The following SYT1 variants were observed in gnomAD, a reference collection of about 807,000 sequenced individuals.
SYT1 encodes synaptotagmin 1, also known as synaptotagmin-1.
Under a neutral mutation model 44.8 loss-of-function variants are expected in SYT1, and 8 were observed. That is an observed-to-expected ratio of 0.18 (90% confidence interval 0.10 to 0.32). The LOEUF is 0.32. Among genes scored for constraint, SYT1 ranks in the 10% least tolerant of loss-of-function variants. The pLI, the probability that SYT1 is intolerant of heterozygous loss-of-function variation, is 1.00. For missense variants in SYT1, 286 were observed against 509.3 expected, an observed-to-expected ratio of 0.56 and a Z score of 4.22; for synonymous variants, 154 against 188.8, an observed-to-expected ratio of 0.82 and a Z score of 1.51.
chr12:79,314,558 G>A (rs73351097), intron 8 of SYT1, among the ~76,000 whole-genome samples: 1,616 of 152,260 alleles, frequency 0.011, 31 homozygotes, highest in African/African-American at 0.037. Context: ...GCTAAAATAA[G>A]ACAGACAATA....
chr12:79,001,880 G>T (rs10735398), intron 2 of SYT1, among the ~76,000 whole-genome samples: 150,871 of 151,252 alleles, frequency 1, 75,245 homozygotes, highest in East Asian at 1. Context: ...ATAAACTAGT[G>T]TTTTTTTTTG....
At chr12:79,168,595 G>A (rs1871342636) in intron 3 of SYT1, among the ~76,000 whole-genome samples, 1 of 152,010 alleles carries the variant, frequency 6.6e-6, no homozygotes, top group African/African-American at 2.4e-5. Context: ...GACAGAGTTT[G>A]TTACAGTGAG....
intron 9 of SYT1, among the ~76,000 whole-genome samples, chr12:79,359,590 C>T (rs559864313): frequency 5.3e-5 from 8 of 152,112 alleles, no homozygotes; most frequent in Non-Finnish European, 7.4e-5. Context: ...ACAGGGGACT[C>T]GTGGTGATGA....
chr12:79,285,290 C>G (rs1273215478), intron 4 of SYT1, among the ~76,000 whole-genome samples: 1 of 152,174 alleles, frequency 6.6e-6, no homozygotes, highest in East Asian at 1.9e-4. Context: ...ATAGCAGCTG[C>G]CATTTATTAA....
intron 1 of SYT1, among the ~76,000 whole-genome samples, chr12:78,976,326 C>G (rs1592624339): frequency 1.3e-5 from 2 of 152,252 alleles, no homozygotes; most frequent in Admixed American, 1.3e-4. Context: ...GAGCTGGAGT[C>G]AACTATTTCT....
chr12:79,430,041 G>C lies in SYT1; in HGVS notation c.929-14032G>C, dbSNP rs1186303811. Among the ~76,000 whole-genome samples, 3 of 152,150 alleles carry C rather than the reference G, an allele frequency of 2.0e-5. No homozygotes were observed. The East Asian group carries it at 5.8e-4, about 29-fold the overall frequency. On this transcript the variant is annotated intron_variant, in intron 9 of 10. Transcript: ENST00000261205. ...TTCAAAGGAAGACAGTCCCTCTAGT[G>C]ACCTCTTTCCCTCTCTACCTAAGCA...
At chr12:79,251,499 A>G (rs1026510233) in intron 4 of SYT1, among the ~76,000 whole-genome samples, 43 of 152,188 alleles carry the variant, frequency 2.8e-4, no homozygotes, top group African/African-American at 1.0e-3. Flanking sequence ...CACCCAGTCA[A>G]CAAGCGCAGG....
intron 2 of SYT1, among the ~76,000 whole-genome samples, chr12:79,014,203 A>G (rs1237668990): frequency 6.6e-6 from 1 of 151,936 alleles, no homozygotes; most frequent in Non-Finnish European, 1.5e-5. Flanking sequence ...GACAACTTCT[A>G]ATGAAAAACC....
intron 4 of SYT1, among the ~76,000 whole-genome samples, chr12:79,274,462 T>C (rs1460289477): frequency 1.3e-5 from 2 of 152,188 alleles, no homozygotes; most frequent in African/African-American, 2.4e-5. Flanking sequence ...CAGACTGTTT[T>C]GTGCAGCAGA....
intron 3 of SYT1, among the ~76,000 whole-genome samples, chr12:79,071,089 C>A (rs1372475331): frequency 6.6e-6 from 1 of 151,900 alleles, no homozygotes; most frequent in Non-Finnish European, 1.5e-5. Flanking sequence ...ACAAAAGAAA[C>A]AAATATCTTG....
intron 3 of SYT1, among the ~76,000 whole-genome samples, chr12:79,155,072 G>A (rs1870511469): frequency 6.6e-6 from 1 of 152,074 alleles, no homozygotes; most frequent in African/African-American, 2.4e-5. Context: ...TGAGCCAAGT[G>A]TAGAAATTAA....
chr12:79,012,461 G>A (rs2037620180), intron 2 of SYT1, among the ~76,000 whole-genome samples: 1 of 152,140 alleles, frequency 6.6e-6, no homozygotes, highest in Non-Finnish European at 1.5e-5. Flanking sequence ...AAGCATAATT[G>A]AGCAGGTACT....
chr12:79,320,970 C>T (rs571828511), intron 8 of SYT1, among the ~76,000 whole-genome samples: 51 of 152,174 alleles, frequency 3.4e-4, no homozygotes, highest in Non-Finnish European at 6.8e-4. Context: ...TGCAAACCCC[C>T]AAACCCAACC....
chr12:79,209,061 A>G (rs1428983565), intron 3 of SYT1, among the ~76,000 whole-genome samples: 1 of 152,174 alleles, frequency 6.6e-6, no homozygotes, highest in Non-Finnish European at 1.5e-5. Flanking sequence ...AAGGTCTGAA[A>G]AACAACCTTT....
At chr12:79,126,107 C>A (rs1488135664) in intron 3 of SYT1, among the ~76,000 whole-genome samples, 3 of 152,192 alleles carry the variant, frequency 2.0e-5, no homozygotes, top group African/African-American at 7.2e-5. Context: ...ATATTAAAGA[C>A]TTATCTTCTG....
chr12:79,447,857 C>A (rs1031604051), intron 10 of SYT1, among the ~76,000 whole-genome samples: 1 of 152,062 alleles, frequency 6.6e-6, no homozygotes, highest in African/African-American at 2.4e-5. Context: ...TATAATAAAC[C>A]AGTCTCCAGC....
chr12:79,115,944 C>T (rs1879252441), intron 3 of SYT1, among the ~76,000 whole-genome samples: 1 of 152,146 alleles, frequency 6.6e-6, no homozygotes, highest in Admixed American at 6.6e-5. Flanking sequence ...CTTCCCCACA[C>T]CCTGAAAGCT....
At position 79,046,561 on chromosome 12, in the gene SYT1, C is replaced by G. The variant is rs931358321; in HGVS notation, c.-83-736C>G. ...ACATTAAAGCAATTCTTAATGTTGC[C>G]TCTTGAGAAGGGTTTAATTTTTTTA... On this transcript the variant is annotated intron_variant, in intron 2 of 10. Transcript: ENST00000261205. 14 of 152,124 alleles carry G rather than the reference C, an allele frequency of 9.2e-5. 1 individual carries two copies. Among genetic ancestry groups the G allele is most frequent in the African/African-American group, 3.4e-4 (14 of 41,548 alleles). The allele number at this position is 152,124 out of a possible 1,614,324, so 9.4% of individuals were successfully genotyped here. A position where few individuals can be genotyped will look rare whatever the true frequency, so the allele number is the denominator to read the frequency against.
At chr12:79,448,850 G>A in intron 10 of SYT1, 68 bp from the exon 11 acceptor site, 1 of 1,431,252 alleles carries the variant, frequency 7.0e-7, no homozygotes, top group South Asian at 1.2e-5. Context: ...TAGCGCTCAA[G>A]GACGCTTTAT....
Sources: allele counts gnomAD v4.1 joint callset (sites outside exome capture counted in the v4.1 genomes callset), GRCh38; gene constraint gnomAD v4.1.1; transcripts MANE v1.5; gene names NCBI Gene and HGNC (gene_info 2026-07-23, HGNC 2026-07-21).